ZPBP: variants seen among roughly 807,000 people sequenced by gnomAD.
The protein encoded by ZPBP is zona pellucida binding protein, also known as zona pellucida-binding protein 1.
A neutral mutation model predicts 44.8 loss-of-function variants in ZPBP; 26 were observed. The observed-to-expected ratio is 0.58, with a 90% CI of 0.43 to 0.81. The LOEUF (loss-of-function observed/expected upper bound fraction) is 0.81. ZPBP is among the 30% of genes least tolerant of loss of function. The pLI, the probability that ZPBP is intolerant of heterozygous loss-of-function variation, is 0.00. For missense variants in ZPBP, 409 were observed against 434.0 expected (o/e 0.94, Z 0.51); for synonymous variants, 174 against 153.2 (o/e 1.14, Z -1.00).
chr7:49,860,764 A>G (rs958908486), intron 2 of ZPBP, among the ~76,000 whole-genome samples: 1 of 152,238 alleles, frequency 6.6e-6, no homozygotes, highest in Non-Finnish European at 1.5e-5. Flanking sequence ...AAATGAGATC[A>G]TAAGGGTGAG....
chr7:49,986,276 C>G (rs1421811257), intron 6 of ZPBP, among the ~76,000 whole-genome samples: 1 of 152,190 alleles, frequency 6.6e-6, no homozygotes, highest in East Asian at 1.9e-4. Context: ...CAACCTTGGT[C>G]TAACCCAGCC....
At chr7:49,937,691 AT>A in intron 7 of ZPBP, 69 bp from the exon 8 acceptor site, 1 of 1,270,950 alleles carries the variant, frequency 7.9e-7, no homozygotes, top group Non-Finnish European at 1.1e-6. Context: ...TCCAATCTCA[AT>A]TCTTTTAAGT....
At chr7:49,959,194 C>A (rs1397387064) in intron 7 of ZPBP, among the ~76,000 whole-genome samples, 1 of 144,806 alleles carries the variant, frequency 6.9e-6, no homozygotes, top group Non-Finnish European at 1.5e-5. Context: ...GGGAAAAGGG[C>A]AAGAATGCCT....
intron 7 of ZPBP, among the ~76,000 whole-genome samples, chr7:49,974,324 T>C (rs1796413063): frequency 6.6e-6 from 1 of 151,908 alleles, no homozygotes; most frequent in Non-Finnish European, 1.5e-5. Context: ...AAAAAAAAAG[T>C]AGAGCTTCTG....
At chr7:49,941,662 A>G (rs1422372945) in intron 7 of ZPBP, among the ~76,000 whole-genome samples, 1 of 152,176 alleles carries the variant, frequency 6.6e-6, no homozygotes, top group East Asian at 1.9e-4. Context: ...ATAGAAAGAC[A>G]TATCATGTTC....
chr7:49,911,995 A>G (rs767623830), intron 1 of ZPBP: 1 of 1,542,408 alleles, frequency 6.5e-7, no homozygotes, highest in Non-Finnish European at 8.7e-7. Flanking sequence ...TTATATATTT[A>G]TGCACACATA....
intron 6 of ZPBP, among the ~76,000 whole-genome samples, chr7:49,995,414 G>A (rs536733487): frequency 6.6e-6 from 1 of 152,354 alleles, no homozygotes; most frequent in South Asian, 2.1e-4. Flanking sequence ...CAGGCACCAG[G>A]AGATGTTGTA....
chr7:49,951,330 T>A (rs546440554), intron 7 of ZPBP, among the ~76,000 whole-genome samples: 1 of 151,620 alleles, frequency 6.6e-6, no homozygotes, highest in Admixed American at 6.6e-5. Flanking sequence ...ATCTAATATA[T>A]AGACTATCTA....
Position 49,942,783 on chromosome 7 carries a change from C to T in ZPBP, c.962-5161G>A, listed in dbSNP as rs149261032. On this transcript the variant is annotated intron_variant, in intron 7 of 7. Coordinates refer to ENST00000046087, the MANE Select transcript of ZPBP (RefSeq NM_007009.3). The stretch of plus-strand genomic sequence containing the variant: ...TCCAGATATGACATATCCACAGGAG[C>T]GAGGTCATCCCCAGAAGACTGAGGC... The T allele has an allele frequency of 3.0e-3, 477 of 156,658 alleles. 1 individual carries two copies. The highest frequency in any genetic ancestry group is 0.011 in the African/African-American group (438 of 41,644). The allele number at this position is 156,658 out of a possible 1,614,324, so 9.7% of individuals were successfully genotyped here.
intron 5 of ZPBP, among the ~76,000 whole-genome samples, chr7:50,022,275 C>G (rs980605828): frequency 2.6e-5 from 4 of 151,772 alleles, no homozygotes; most frequent in Non-Finnish European, 5.9e-5. Flanking sequence ...ATTCTTTTTT[C>G]ACTCATCTTT....
Position 49,982,421 on chromosome 7 carries a change from G to A in ZPBP, c.961+921C>T, listed in dbSNP as rs914359031. ...TAAAAAGTTACAAAGTTAACAGTTGGAAGTCATTTGTTTAATTTGTATTCT... is the reference window on the plus strand; with the variant it reads ...TAAAAAGTTACAAAGTTAACAGTTGAAAGTCATTTGTTTAATTTGTATTCT... On this transcript the variant is annotated intron_variant, in intron 7 of 7. Coordinates refer to ENST00000046087, the MANE Select transcript of ZPBP (RefSeq NM_007009.3). Among the ~76,000 whole-genome samples the A allele has an allele frequency of 2.1e-5, 3 of 140,616 alleles. No homozygotes were observed. The South Asian group carries it at 6.4e-4, about 30-fold the overall frequency. The allele number at this position is 140,616 out of a possible 152,430, so 92.2% of individuals were successfully genotyped here.
In ZPBP at chr7:50,009,107, C is replaced by T. The variant is rs115530145; in HGVS notation, c.783+9133G>A. Among the ~76,000 whole-genome samples, 1,180 of 151,646 alleles carry T rather than the reference C, an allele frequency of 7.8e-3. 34 individuals are homozygous for T. Among genetic ancestry groups the T allele is most frequent in the African/African-American group, 0.027 (1,116 of 41,280 alleles). On this transcript the variant is annotated intron_variant, in intron 6 of 7. Coordinates refer to ENST00000046087, the MANE Select transcript of ZPBP (RefSeq NM_007009.3). ...AAAAGATCAGCCAGGTGCGGTGGCACGTGTCTGTAATCCCAGCTGCTTGGG... is the reference window on the plus strand; with the variant it reads ...AAAAGATCAGCCAGGTGCGGTGGCATGTGTCTGTAATCCCAGCTGCTTGGG...
intron 3 of ZPBP, among the ~76,000 whole-genome samples, chr7:50,078,092 A>G (rs1037352648): frequency 1.3e-5 from 2 of 151,854 alleles, no homozygotes; most frequent in African/African-American, 4.8e-5. Flanking sequence ...ATTTGCAACA[A>G]CATGGCTGGA....
At chr7:49,901,486 T>C (rs1438913021) in intron 1 of ZPBP, among the ~76,000 whole-genome samples, 1 of 151,754 alleles carries the variant, frequency 6.6e-6, no homozygotes, top group African/African-American at 2.4e-5. Context: ...AATACTTAGG[T>C]ATAAAATTAG....
At chr7:50,010,615 T>C (rs1798524245) in intron 6 of ZPBP, among the ~76,000 whole-genome samples, 1 of 151,694 alleles carries the variant, frequency 6.6e-6, no homozygotes, top group Admixed American at 6.6e-5. Flanking sequence ...ACTGCAAAAA[T>C]AGTGAAATGC....
At chr7:49,982,228 AT>A (rs1302824914) in intron 7 of ZPBP, among the ~76,000 whole-genome samples, 1 of 101,084 alleles carries the variant, frequency 9.9e-6, no homozygotes, top group Non-Finnish European at 1.8e-5. Flanking sequence ...GTAATATATA[AT>A]ATATAATATA....
chr7:49,912,482 A>T (rs950527096), intron 1 of ZPBP: 3 of 221,592 alleles, frequency 1.4e-5, no homozygotes, highest in Non-Finnish European at 2.7e-5. Flanking sequence ...TCCCTCCATT[A>T]GAGAGCTTAT....
intron 3 of ZPBP, among the ~76,000 whole-genome samples, chr7:50,070,663 G>A (rs1324580340): frequency 6.6e-6 from 1 of 152,184 alleles, no homozygotes; most frequent in Non-Finnish European, 1.5e-5. Flanking sequence ...CACCAGCCCA[G>A]TTGGATTAAC....
chr7:50,031,425 G>T (rs1799604030), intron 4 of ZPBP, 115 bp from the exon 5 acceptor site: 2 of 790,262 alleles, frequency 2.5e-6, no homozygotes, highest in African/African-American at 1.8e-5. Context: ...CATGTTTTTA[G>T]ATATAATTAT....
Sources: allele counts gnomAD v4.1 joint callset (sites outside exome capture counted in the v4.1 genomes callset), GRCh38; gene constraint gnomAD v4.1.1; transcripts MANE v1.5; gene names NCBI Gene and HGNC (gene_info 2026-07-23, HGNC 2026-07-21).